RGS14: variants seen among roughly 807,000 people sequenced by gnomAD.
RGS14 encodes the protein regulator of G protein signaling 14, also known as regulator of G-protein signaling 14.
Under a neutral mutation model 63.8 loss-of-function variants are expected in RGS14, and 33 were observed. That is an observed-to-expected ratio of 0.52 (90% CI 0.39 to 0.69). The LOEUF (loss-of-function observed/expected upper bound fraction) is 0.69. Among genes scored for constraint, RGS14 ranks in the 30% least tolerant of loss-of-function variants. The pLI is 0.00. For synonymous variants in RGS14, 296 were observed against 320.9 expected, an observed-to-expected ratio of 0.92 and a Z score of 0.83; for missense variants, 739 against 742.9, an observed-to-expected ratio of 0.99 and a Z score of 0.06.
At position 177,371,784 on chromosome 5, in the gene RGS14, C is replaced by T. The variant is rs1762277486; in HGVS notation, c.1499-89C>T. ...GCCATTGGTGCTGGGGCCAGGGAGG[C>T]AGTGGCCACAGTAAGGCAGTGGGAC... On this transcript the variant is annotated intron_variant, in intron 14 of 14. Coordinates refer to ENST00000408923, the MANE Select transcript of RGS14 (RefSeq NM_006480.5). This position sits in a 1 kb window ranked among gnomAD's most constrained non-coding sequence, Gnocchi z 6.1. The T allele has an allele frequency of 7.1e-7, 1 of 1,403,408 alleles. No individual in the cohort carries two copies. Among genetic ancestry groups the T allele is most frequent in the East Asian group, 2.3e-5 (1 of 43,686 alleles). 86.9% of individuals were successfully genotyped at this position (1,403,408 alleles called of 1,614,324 possible). A position where few individuals can be genotyped will look rare whatever the true frequency, so the allele number is the denominator to read the frequency against.
At position 177,359,066 on chromosome 5, in the gene RGS14, A is replaced by G. The variant is rs750501145; in HGVS notation, c.45+997A>G. On this transcript the variant is annotated intron_variant, in intron 1 of 14. Transcript: ENST00000408923. This position sits in a 1 kb window ranked among gnomAD's most constrained non-coding sequence, Gnocchi z 4.4. ...ATAATGCATATGAGGCCTTTGACCC[A>G]TTGTGGGGGCTGCATAATTGTCAGC... Among the ~76,000 whole-genome samples, 1 of 152,128 alleles carries G rather than the reference A, an allele frequency of 6.6e-6. No homozygotes were observed. Among genetic ancestry groups the G allele is most frequent in the Non-Finnish European group, 1.5e-5 (1 of 68,008 alleles).
chr5:177,367,834 A>G lies in RGS14; in HGVS notation c.739+9A>G. ...CAAGTCCTTCCGCCGGGGTGAGGGC[A>G]GGAGCGAGCAACAGAGATGTGGGGA... is the stretch of plus-strand genomic sequence containing the variant. On this transcript the variant is annotated intron_variant, in intron 7 of 14. Transcript: ENST00000408923. 6.4e-7 allele frequency: 1 copy of G among 1,571,086 alleles called. No individual in the cohort carries two copies. Among genetic ancestry groups the G allele is most frequent in the Non-Finnish European group, 8.6e-7 (1 of 1,160,062 alleles).
At position 177,371,225 on chromosome 5, in the gene RGS14, C is replaced by T; in HGVS notation, c.1315C>T (p.Leu439=). The change falls in exon 12 of 15, where the codon CTG becomes TTG. Residue 439 remains leucine, a synonymous_variant. Transcript: ENST00000408923. The surrounding 1 kb of genome is among the most constrained non-coding windows in gnomAD (Gnocchi z 6.1). ...AGTGAGCTCGGTGGCGGCCCAGAGA[C>T]TGGTTTTGGACACTCTTCCAGGTAG... ...KLVSSVAAQR[L]VLDTLPGVKI... 2 of 1,613,804 alleles carry T rather than the reference C, an allele frequency of 1.2e-6. No individual in the cohort carries two copies. Among genetic ancestry groups the T allele is most frequent in the Non-Finnish European group, 1.7e-6 (2 of 1,179,910 alleles).
chr5:177,368,338 G>A lies in RGS14; in HGVS notation c.849+72G>A. 2.1e-6 allele frequency: 3 copies of A among 1,458,768 alleles called. No homozygotes were observed. In the South Asian group the frequency reaches 4.0e-5, roughly 19 times the overall value. 90.4% of individuals were successfully genotyped at this position (1,458,768 alleles called of 1,614,324 possible). A position where few individuals can be genotyped will look rare whatever the true frequency, so the allele number is the denominator to read the frequency against. The stretch of plus-strand genomic sequence containing the variant: ...ACTACTCAGGCCCATTTACGTGGTG[G>A]CCCTCATTCCAAGTTGCTGTCCTTA... On this transcript the variant is annotated intron_variant, in intron 8 of 14. Coordinates refer to ENST00000408923, the MANE Select transcript of RGS14 (RefSeq NM_006480.5).
chr5:177,367,298 T>G (rs1378541079), intron 5 of RGS14, 116 bp from the exon 6 acceptor site: 1 of 1,382,356 alleles, frequency 7.2e-7, no homozygotes, highest in African/African-American at 1.4e-5. Flanking sequence ...GGGCGGGGCT[T>G]GGGAAATCCA....
chr5:177,358,172 G>T lies in RGS14; in HGVS notation c.45+103G>T, dbSNP rs1761868627. Reference sequence around the variant, plus strand: ...AGGGCCAGGCAAGAGCCCACGGGCTGCCAGCAGGCGAGAGAAGTTGGGTAC... The same window carrying T: ...AGGGCCAGGCAAGAGCCCACGGGCTTCCAGCAGGCGAGAGAAGTTGGGTAC... On this transcript the variant is annotated intron_variant, in intron 1 of 14. Transcript: ENST00000408923. The surrounding 1 kb of genome is among the most constrained non-coding windows in gnomAD (Gnocchi z 4.8). 4 of 995,410 alleles carry T rather than the reference G, an allele frequency of 4.0e-6. No homozygotes were observed. Among genetic ancestry groups the T allele is most frequent in the Non-Finnish European group, 5.3e-6 (4 of 758,100 alleles). The allele number at this position is 995,410 out of a possible 1,614,324, so 61.7% of individuals were successfully genotyped here. A position where few individuals can be genotyped will look rare whatever the true frequency, so the allele number is the denominator to read the frequency against.
Position 177,358,006 on chromosome 5 carries a change from A to AC in RGS14, c.-15dup. 1 of 1,347,472 alleles carries AC rather than the reference A, an allele frequency of 7.4e-7. No homozygotes were observed. Among genetic ancestry groups the AC allele is most frequent in the Non-Finnish European group, 9.6e-7 (1 of 1,040,362 alleles). The allele number at this position is 1,347,472 out of a possible 1,614,324, so 83.5% of individuals were successfully genotyped here. ...ATGGTGGGCAGCCCCCGCGGCGGGG[A>AC]CCCCTGATCGGCAGCGGCATGCCAG... On this transcript the variant is annotated 5_prime_UTR_variant, in exon 1 of 15. It removes the in-frame stop codon of an upstream open reading frame in the 5' UTR. Coordinates refer to ENST00000408923, the MANE Select transcript of RGS14 (RefSeq NM_006480.5). The surrounding 1 kb of genome is among the most constrained non-coding windows in gnomAD (Gnocchi z 4.8).
Position 177,358,053 on chromosome 5 carries a change from T to C in RGS14, c.29T>C (p.Val10Ala). The change falls in exon 1 of 15, where the codon GTC (valine) becomes GCC (alanine). Residue 10 changes from valine (V) to alanine (A), a missense_variant. By Grantham distance (64) the Val-to-Ala change is moderately conservative. Coordinates refer to ENST00000408923, the MANE Select transcript of RGS14 (RefSeq NM_006480.5). The surrounding 1 kb of genome is among the most constrained non-coding windows in gnomAD (Gnocchi z 4.8). The stretch of plus-strand genomic sequence containing the variant: ...CCAGGGAAGCCCAAGCACCTGGGCG[T>C]CCCCAACGGGCGCATGGTGAGTGTG... MPGKPKHLG[V>A]PNGRMVLAVS... 7.4e-7 allele frequency: 1 copy of C among 1,356,954 alleles called. No individual in the cohort carries two copies. Among genetic ancestry groups the C allele is most frequent in the Non-Finnish European group, 9.6e-7 (1 of 1,044,862 alleles). 84.1% of individuals were successfully genotyped at this position (1,356,954 alleles called of 1,614,324 possible). A position where few individuals can be genotyped will look rare whatever the true frequency, so the allele number is the denominator to read the frequency against.
In RGS14 at chr5:177,372,041, G is replaced by A. The variant is rs1245472564; in HGVS notation, c.1667G>A (p.Gly556Glu). The change falls in exon 15 of 15, where the codon GGA becomes GAA. Residue 556 changes from glycine (G) to glutamate (E), a missense_variant. Physicochemically the swap from Gly to Glu is moderately conservative, Grantham distance 98. Coordinates refer to ENST00000408923, the MANE Select transcript of RGS14 (RefSeq NM_006480.5). ...QTKSAAQPIG[G>E]SLNSTTDSAL ...AAATCAGCAGCCCAGCCCATCGGGG[G>A]ATCCTTGAACTCCACCACCGACTCA... 2 of 1,614,054 alleles carry A rather than the reference G, an allele frequency of 1.2e-6. No individual in the cohort carries two copies. The highest frequency in any genetic ancestry group is 1.3e-5 in the African/African-American group (1 of 75,044).
chr5:177,361,103 GGAA>G (rs1265576434), intron 1 of RGS14, among the ~76,000 whole-genome samples: 1 of 152,218 alleles, frequency 6.6e-6, no homozygotes, highest in African/African-American at 2.4e-5. Flanking sequence ...CCTCCTGGCA[GGAA>G]GACCTGCAAG....
chr5:177,362,575 C>T (rs1212551816), intron 1 of RGS14, among the ~76,000 whole-genome samples: 1 of 152,058 alleles, frequency 6.6e-6, no homozygotes. Flanking sequence ...CAATTCCAAG[C>T]GAAGAGCAGG....
chr5:177,371,627 G>C lies in RGS14; in HGVS notation c.1498+38G>C. The C allele has an allele frequency of 4.4e-6, 7 of 1,588,224 alleles. No homozygotes were observed. The highest frequency in any genetic ancestry group is 2.7e-5 in the African/African-American group (2 of 74,424). On this transcript the variant is annotated intron_variant, in intron 14 of 14. Coordinates refer to ENST00000408923, the MANE Select transcript of RGS14 (RefSeq NM_006480.5). This position sits in a 1 kb window ranked among gnomAD's most constrained non-coding sequence, Gnocchi z 6.1. ...TGAGCTGGGGATCAGAAAGACTAGG[G>C]CAGTGGGGTTGGGGACCATTCAGGG...
At chr5:177,366,016 AGTGGGAG>A (rs1477801635) in intron 2 of RGS14, 32 bp downstream of exon 2, 4 of 1,601,374 alleles carry the variant, frequency 2.5e-6, no homozygotes, top group Non-Finnish European at 3.4e-6. Flanking sequence ...GAACTGGCTG[AGTGGGAG>A]GGAGGAGGGA....
intron 1 of RGS14, among the ~76,000 whole-genome samples, chr5:177,365,635 C>T (rs1332658044): frequency 1.3e-5 from 2 of 152,142 alleles, no homozygotes; most frequent in Non-Finnish European, 2.9e-5. Context: ...ACTAACTTGC[C>T]CAAAGTTACA....
chr5:177,371,833 G>T lies in RGS14; in HGVS notation c.1499-40G>T, dbSNP rs773980575. On this transcript the variant is annotated intron_variant, in intron 14 of 14. Transcript: ENST00000408923. This position sits in a 1 kb window ranked among gnomAD's most constrained non-coding sequence, Gnocchi z 6.1. ...ACTATCGTGGGCTGGCATATAGGCA[G>T]GTCTGCTGGGGGGACCCTCATGCTG... 6 of 1,588,338 alleles carry T rather than the reference G, an allele frequency of 3.8e-6. No homozygotes were observed. The South Asian group carries it at 6.7e-5, about 18-fold the overall frequency.
chr5:177,370,967 A>C lies in RGS14; in HGVS notation c.1190A>C (p.Gln397Pro), dbSNP rs749158540. The change falls in exon 11 of 15, where the codon CAG becomes CCG. Residue 397 changes from glutamine to proline, a missense_variant. Coordinates refer to ENST00000408923, the MANE Select transcript of RGS14 (RefSeq NM_006480.5). ...TCAGCCAAGCCCACCAAGCGGCTGC[A>C]GGAGGCGCTGCAGCCCATTCTGGAG... ...RISAKPTKRL[Q>P]EALQPILEKH... 1.2e-5 allele frequency: 19 copies of C among 1,607,476 alleles called. No homozygotes were observed. The East Asian group carries it at 4.2e-4, about 36-fold the overall frequency.
intron 1 of RGS14, 152 bp from the exon 2 acceptor site, chr5:177,365,811 G>C: frequency 1.3e-6 from 1 of 770,522 alleles, no homozygotes. Flanking sequence ...GGAGCCAGGG[G>C]CAGACTGAGG....
chr5:177,371,084 GCCGGGGCCGGGGC>G lies in RGS14; in HGVS notation c.1254+55_1254+67del, dbSNP rs1561618810. 74 of 535,826 alleles carry G rather than the reference GCCGGGGCCGGGGC, an allele frequency of 1.4e-4. 1 individual carries two copies. The African/African-American group carries it at 2.4e-3, about 17-fold the overall frequency. 33.2% of individuals were successfully genotyped at this position (535,826 alleles called of 1,614,324 possible). On this transcript the variant is annotated intron_variant, in intron 11 of 14. Transcript: ENST00000408923. This position sits in a 1 kb window ranked among gnomAD's most constrained non-coding sequence, Gnocchi z 6.1. The stretch of plus-strand genomic sequence containing the variant: ...GGGGCGGGGCCGGGCCGGGGCCGGG[GCCGGGGCCGGGGC>G]CGGGGCCGGGGCCGGGGCCGGGGCC...
rs1762293334 is a variant in RGS14 at position 177,372,278 on chromosome 5, G to C, written c.*203G>C. The C allele has an allele frequency of 3.4e-6, 2 of 590,838 alleles. No individual in the cohort carries two copies. Among genetic ancestry groups the C allele is most frequent in the Non-Finnish European group, 3.0e-6 (1 of 333,216 alleles). The allele number at this position is 590,838 out of a possible 1,614,324, so 36.6% of individuals were successfully genotyped here. ...CTGCCACCGCCTTGTCCCTCAACAA[G>C]CTCACCCCCAATCCCTTGCAGCCAG... On this transcript the variant is annotated 3_prime_UTR_variant, in exon 15 of 15. Transcript: ENST00000408923.
Sources: allele counts gnomAD v4.1 joint callset (sites outside exome capture counted in the v4.1 genomes callset), GRCh38; gene constraint gnomAD v4.1.1; non-coding constraint Gnocchi (gnomAD v3.1); transcripts MANE v1.5; gene names NCBI Gene and HGNC (gene_info 2026-07-23, HGNC 2026-07-21).